SUCLA2: variants seen among roughly 807,000 people sequenced by gnomAD.
The protein encoded by SUCLA2 is succinate-CoA ligase ADP-forming subunit beta, also known as succinate--CoA ligase [ADP-forming] subunit beta, mitochondrial.
Under a neutral mutation model 54.8 loss-of-function variants are expected in SUCLA2, and 30 were observed. That is an observed-to-expected ratio of 0.55 (90% confidence interval 0.41 to 0.74). The LOEUF is 0.74. SUCLA2 is among the 30% of genes least tolerant of loss of function. The pLI is 0.00. For synonymous variants in SUCLA2, 172 were observed against 188.9 expected (o/e 0.91, Z 0.74); for missense variants, 476 against 562.9 (o/e 0.85, Z 1.56).
At chr13:47,996,250 G>A (rs1346265749) in intron 2 of SUCLA2, among the ~76,000 whole-genome samples, 2 of 149,418 alleles carry the variant, frequency 1.3e-5, no homozygotes, top group Non-Finnish European at 3.0e-5. Flanking sequence ...TTGAACCCGG[G>A]AAGCGGAGGT....
At chr13:47,967,567 G>A (rs1202220352) in intron 6 of SUCLA2, among the ~76,000 whole-genome samples, 1 of 152,088 alleles carries the variant, frequency 6.6e-6, no homozygotes, top group African/African-American at 2.4e-5. Context: ...TCGGCTGGGC[G>A]CAGTGACTCA....
At chr13:47,966,570 A>G (rs1430838105) in intron 6 of SUCLA2, among the ~76,000 whole-genome samples, 2 of 151,764 alleles carry the variant, frequency 1.3e-5, no homozygotes, top group Non-Finnish European at 2.9e-5. Flanking sequence ...TTTTGCACCA[A>G]CCTAAATATT....
chr13:47,991,905 A>C (rs139037179), intron 2 of SUCLA2, among the ~76,000 whole-genome samples: 129 of 152,346 alleles, frequency 8.5e-4, no homozygotes, highest in Admixed American at 3.0e-3. Flanking sequence ...AACAAATAGA[A>C]ACAACTCAGA....
chr13:47,965,288 G>A (rs191328677), intron 6 of SUCLA2, among the ~76,000 whole-genome samples: 10 of 151,598 alleles, frequency 6.6e-5, no homozygotes, highest in South Asian at 2.1e-4. Context: ...TAATTACAAC[G>A]GGAAAAACTA....
Position 47,949,570 on chromosome 13 carries a change from T to G in SUCLA2, c.1141A>C (p.Ile381Leu). 1.2e-6 allele frequency: 2 copies of G among 1,613,562 alleles called. No homozygotes were observed. ...TGTGCAATAACATCACAGCGCATGA[T>G]TCCTCCAAAAATGTTGACCAGAATA... is the stretch of plus-strand genomic sequence containing the variant. The part of the protein sequence containing the change: ...LAILVNIFGG[I>L]MRCDVIAQGI... The change falls in exon 9 of 11, where the codon ATC (isoleucine) becomes CTC (leucine). Residue 381 changes from isoleucine to leucine, a missense_variant. Physicochemically the swap from Ile to Leu is conservative, Grantham distance 5 (BLOSUM62 2). Around this residue, in one of 2 missense-constraint regions of SUCLA2, gnomAD observed 342 missense variants for 444.2 expected, o/e 0.77. Coordinates refer to ENST00000646932, the MANE Select transcript of SUCLA2 (RefSeq NM_003850.3).
At chr13:47,974,326 C>T (rs1309598017) in intron 4 of SUCLA2, among the ~76,000 whole-genome samples, 1 of 152,180 alleles carries the variant, frequency 6.6e-6, no homozygotes, top group Non-Finnish European at 1.5e-5. Context: ...TGGCTCACAC[C>T]TGTAATCACA....
chr13:47,951,061 C>T (rs1453503961), intron 8 of SUCLA2, among the ~76,000 whole-genome samples: 2 of 152,116 alleles, frequency 1.3e-5, no homozygotes, highest in South Asian at 2.1e-4. Context: ...ATATTCACCA[C>T]CAGGCACCAT....
At chr13:47,989,133 T>C in intron 2 of SUCLA2, 152 bp from the exon 3 acceptor site, 2 of 780,950 alleles carry the variant, frequency 2.6e-6, no homozygotes, top group Non-Finnish European at 4.2e-6. Context: ...TTATGTAGAT[T>C]TTCTAGATTA....
intron 6 of SUCLA2, among the ~76,000 whole-genome samples, chr13:47,960,067 G>GT (rs1301038424): frequency 6.6e-6 from 1 of 152,070 alleles, no homozygotes; most frequent in Non-Finnish European, 1.5e-5. Flanking sequence ...TCATCATGTG[G>GT]TTTTTTTGGG....
intron 6 of SUCLA2, among the ~76,000 whole-genome samples, chr13:47,963,385 T>G (rs1375378139): frequency 1.3e-5 from 2 of 152,228 alleles, no homozygotes; most frequent in African/African-American, 4.8e-5. Context: ...GGCTCACGCC[T>G]GTAATCCCAG....
chr13:47,952,073 T>C (rs1470740726), intron 8 of SUCLA2, among the ~76,000 whole-genome samples: 1 of 151,818 alleles, frequency 6.6e-6, no homozygotes, highest in Admixed American at 6.6e-5. Flanking sequence ...ATCAATCCAT[T>C]ACAATCTGGC....
chr13:47,963,216 T>C (rs980274154), intron 6 of SUCLA2, among the ~76,000 whole-genome samples: 2 of 152,156 alleles, frequency 1.3e-5, no homozygotes, highest in Admixed American at 6.5e-5. Context: ...ATAACTATAT[T>C]GAAGCTAATA....
At chr13:47,972,588 G>T (rs1949976233) in intron 5 of SUCLA2, among the ~76,000 whole-genome samples, 1 of 149,454 alleles carries the variant, frequency 6.7e-6, no homozygotes, top group Non-Finnish European at 1.5e-5. Flanking sequence ...AGAATTGCTT[G>T]ATCCTGGGAG....
At chr13:47,996,658 C>CATAATA (rs150579065) in intron 2 of SUCLA2, among the ~76,000 whole-genome samples, 185 bp downstream of exon 2, 33 of 150,960 alleles carry the variant, frequency 2.2e-4, no homozygotes, top group Non-Finnish European at 4.0e-4. Context: ...TATGGGTGCT[C>CATAATA]ATAATAATAA....
At chr13:47,945,889 G>A (rs921119347) in intron 10 of SUCLA2, 1 of 152,232 alleles carries the variant, frequency 6.6e-6, no homozygotes, top group Non-Finnish European at 1.5e-5. Context: ...GCGTATCCAC[G>A]CTGTATAAAC....
At position 47,968,570 on chromosome 13, in the gene SUCLA2, T is replaced by C. The variant is rs1184047092; in HGVS notation, c.802+25A>G. The C allele has an allele frequency of 1.2e-6, 2 of 1,610,774 alleles. No individual in the cohort carries two copies. Among genetic ancestry groups the C allele is most frequent in the East Asian group, 2.2e-5 (1 of 44,762 alleles). On this transcript the variant is annotated intron_variant, in intron 6 of 10. Transcript: ENST00000646932. ...TATTAGAGAAATAAATGCATAATCA[T>C]GTTAGACAAAAGAAGATACTTTACC...
Position 47,974,895 on chromosome 13 carries a change from C to T in SUCLA2, c.535-1503G>A, listed in dbSNP as rs75550666. On this transcript the variant is annotated intron_variant, in intron 4 of 10. Coordinates refer to ENST00000646932, the MANE Select transcript of SUCLA2 (RefSeq NM_003850.3). ...TAGTGTATGTGTACATGTAGTGTTA[C>T]GTATGAAAAAAATGATACAAAGCCC... Among the ~76,000 whole-genome samples, 496 of 151,874 alleles carry T rather than the reference C, an allele frequency of 3.3e-3. 1 individual carries two copies. The highest frequency in any genetic ancestry group is 5.4e-3 in the Non-Finnish European group (367 of 67,944).
chr13:47,975,156 CTTTCT>C (rs1243378567), intron 4 of SUCLA2, among the ~76,000 whole-genome samples: 1 of 147,772 alleles, frequency 6.8e-6, no homozygotes, highest in Non-Finnish European at 1.5e-5. Context: ...ACTTTTCTTT[CTTTCT>C]TTTCTTTTTT....
chr13:47,951,316 G>A lies in SUCLA2; in HGVS notation c.1108-1713C>T, dbSNP rs968399553. ...TTAAAAGCCTCTAGTCCGCCACCCC[G>A]CCCCCGCTCCCAAGAAAAAGCCTCT... On this transcript the variant is annotated intron_variant, in intron 8 of 10. Transcript: ENST00000646932. Among the ~76,000 whole-genome samples the A allele has an allele frequency of 8.3e-4, 45 of 54,012 alleles. 2 individuals are homozygous for A. The highest frequency in any genetic ancestry group is 1.6e-3 in the African/African-American group (26 of 15,942). The allele number at this position is 54,012 out of a possible 152,430, so 35.4% of individuals were successfully genotyped here. A position where few individuals can be genotyped will look rare whatever the true frequency, so the allele number is the denominator to read the frequency against.
Sources: allele counts gnomAD v4.1 joint callset (sites outside exome capture counted in the v4.1 genomes callset), GRCh38; gene constraint gnomAD v4.1.1; regional missense constraint gnomAD v4.1.1; transcripts MANE v1.5; gene names NCBI Gene and HGNC (gene_info 2026-07-23, HGNC 2026-07-21).